Variants in CNTNAP5 observed in about 807,000 individuals in gnomAD.
CNTNAP5 encodes contactin-associated protein-like 5.
In CNTNAP5, 72 loss-of-function variants were observed where a neutral mutation model predicts 150.2. The observed-to-expected ratio is 0.48, with a 90% CI of 0.40 to 0.58. The LOEUF (loss-of-function observed/expected upper bound fraction) is 0.58, where lower values mean the gene tolerates loss of function less well. CNTNAP5 is among the 20% of genes least tolerant of loss of function. The probability of loss-of-function intolerance (pLI) is 0.00; values close to 1 mark genes in which losing one functional copy is unlikely to be tolerated. For missense variants in CNTNAP5, 1,636 were observed against 1,626.2 expected (o/e 1.01, Z -0.10); for synonymous variants, 672 against 619.8 (o/e 1.08, Z -1.25).
At chr2:124,083,463 A>G (rs1682606710) in intron 1 of CNTNAP5, among the ~76,000 whole-genome samples, 1 of 152,196 alleles carries the variant, frequency 6.6e-6, no homozygotes, top group African/African-American at 2.4e-5. Flanking sequence ...TTTATTTGGT[A>G]AAGTCAAATC....
intron 1 of CNTNAP5, among the ~76,000 whole-genome samples, chr2:124,115,882 ATTC>A (rs1414467229): frequency 6.6e-6 from 1 of 151,036 alleles, no homozygotes; most frequent in Non-Finnish European, 1.5e-5. Context: ...GCCTCAAGCT[ATTC>A]TTCTGCCTCA....
At chr2:124,164,933 A>G (rs79827548) in intron 1 of CNTNAP5, among the ~76,000 whole-genome samples, 12,588 of 152,142 alleles carry the variant, frequency 0.083, 713 homozygotes, top group Non-Finnish European at 0.13. Flanking sequence ...GTGCAGGGAA[A>G]TGGGGAACCT....
At chr2:124,154,553 C>T (rs2104639147) in intron 1 of CNTNAP5, among the ~76,000 whole-genome samples, 1 of 152,312 alleles carries the variant, frequency 6.6e-6, no homozygotes, top group Admixed American at 6.5e-5. Flanking sequence ...TTATCCTGCA[C>T]TCTGTCCTGC....
intron 14 of CNTNAP5, among the ~76,000 whole-genome samples, chr2:124,751,963 T>C (rs1453773465): frequency 6.6e-6 from 1 of 152,160 alleles, no homozygotes; most frequent in Non-Finnish European, 1.5e-5. Context: ...AGATGATAAA[T>C]GGTTCGGTTA....
At chr2:124,097,658 T>A (rs1163381175) in intron 1 of CNTNAP5, among the ~76,000 whole-genome samples, 3 of 152,128 alleles carry the variant, frequency 2.0e-5, no homozygotes, top group African/African-American at 7.2e-5. Flanking sequence ...AGACAGCCTC[T>A]GAAGCACATT....
chr2:124,266,723 C>T (rs989257760), intron 3 of CNTNAP5, among the ~76,000 whole-genome samples: 1 of 152,106 alleles, frequency 6.6e-6, no homozygotes, highest in Non-Finnish European at 1.5e-5. Context: ...TCATGTTTTA[C>T]TTCCCAGCAT....
At chr2:124,498,920 A>G (rs1558928405) in intron 7 of CNTNAP5, among the ~76,000 whole-genome samples, 1 of 152,180 alleles carries the variant, frequency 6.6e-6, no homozygotes, top group Non-Finnish European at 1.5e-5. Flanking sequence ...ACAAGTGGGA[A>G]TATTAGGGCC....
rs372724261 is a variant in CNTNAP5, at chr2:124,524,397, G to A, written c.1422G>A (p.Pro474=). 74 of 1,613,632 alleles carry A rather than the reference G, an allele frequency of 4.6e-5. No homozygotes were observed. The highest frequency in any genetic ancestry group is 5.8e-5 in the Non-Finnish European group (69 of 1,179,796). The part of the protein sequence containing the change: ...TLTLDDEAAP[P]APDSTWVQIY... Reference sequence around the variant, plus strand: ...CTCTGGATGATGAAGCAGCACCCCCGGCTCCAGACAGCACTTGGGTGCAGA... The same window carrying A: ...CTCTGGATGATGAAGCAGCACCCCCAGCTCCAGACAGCACTTGGGTGCAGA... Residue 474 remains proline (P), a synonymous_variant, in exon 9 of 24, where the codon CCG becomes CCA. Coordinates refer to ENST00000682447, the MANE Select transcript of CNTNAP5 (RefSeq NM_001367498.1).
At chr2:124,670,137 C>CTTCCTTCCTTCT (rs761745900) in intron 13 of CNTNAP5, among the ~76,000 whole-genome samples, 4 of 117,094 alleles carry the variant, frequency 3.4e-5, no homozygotes, top group Admixed American at 8.1e-5. Flanking sequence ...TCCTTCTTTC[C>CTTCCTTCCTTCT]TTCCTTCCTT....
At chr2:124,472,672 C>T (rs974264617) in intron 6 of CNTNAP5, among the ~76,000 whole-genome samples, 10 of 151,564 alleles carry the variant, frequency 6.6e-5, no homozygotes, top group African/African-American at 9.7e-5. Context: ...ATAATCAAGT[C>T]GCACAAAGTT....
At chr2:124,134,195 CAG>C (rs1307297677) in intron 1 of CNTNAP5, among the ~76,000 whole-genome samples, 1 of 152,170 alleles carries the variant, frequency 6.6e-6, no homozygotes, top group East Asian at 1.9e-4. Flanking sequence ...GTGAGCTTCT[CAG>C]GGGTTCGTTC....
chr2:124,532,716 T>C (rs554851039), intron 10 of CNTNAP5, among the ~76,000 whole-genome samples: 2 of 152,262 alleles, frequency 1.3e-5, no homozygotes, highest in African/African-American at 4.8e-5. Context: ...GTGACACACA[T>C]TATTTAAACT....
At chr2:124,054,936 A>T (rs2104646660) in intron 1 of CNTNAP5, among the ~76,000 whole-genome samples, 1 of 152,272 alleles carries the variant, frequency 6.6e-6, no homozygotes, top group African/African-American at 2.4e-5. Context: ...GGAAGTTCAT[A>T]TTGATGTACT....
chr2:124,604,264 T>C (rs192200682), intron 11 of CNTNAP5, among the ~76,000 whole-genome samples: 1 of 152,298 alleles, frequency 6.6e-6, no homozygotes, highest in African/African-American at 2.4e-5. Context: ...TTAGTTTCTG[T>C]TGATAAGACA....
intron 3 of CNTNAP5, among the ~76,000 whole-genome samples, chr2:124,387,163 AC>A (rs1431653811): frequency 3.9e-5 from 6 of 152,074 alleles, no homozygotes; most frequent in African/African-American, 1.4e-4. Flanking sequence ...AGAGGTAAGA[AC>A]CCCTGCCTCC....
intron 13 of CNTNAP5, among the ~76,000 whole-genome samples, chr2:124,704,526 A>G (rs1371680664): frequency 6.6e-6 from 1 of 152,240 alleles, no homozygotes; most frequent in Admixed American, 6.5e-5. Context: ...AAATATGTTT[A>G]TGCAGAATGT....
chr2:124,174,804 A>C (rs140831369), intron 1 of CNTNAP5, among the ~76,000 whole-genome samples: 1 of 152,346 alleles, frequency 6.6e-6, no homozygotes, highest in Non-Finnish European at 1.5e-5. Context: ...CTACAGAAAT[A>C]TCTTTCATGA....
Position 124,915,189 on chromosome 2 carries a change from T to C in CNTNAP5, c.*901T>C, listed in dbSNP as rs187720339. ...GTATATATGTATATATATATGTGAG[T>C]ATATATACACACACACACACACACA... On this transcript the variant is annotated 3_prime_UTR_variant, in exon 24 of 24. Coordinates refer to ENST00000682447, the MANE Select transcript of CNTNAP5 (RefSeq NM_001367498.1). 4.2e-4 allele frequency: 64 copies of C among 153,154 alleles called. No individual in the cohort carries two copies. The highest frequency in any genetic ancestry group is 1.6e-3 in the African/African-American group (63 of 39,954). The allele number at this position is 153,154 out of a possible 1,614,324, so 9.5% of individuals were successfully genotyped here. A position where few individuals can be genotyped will look rare whatever the true frequency, so the allele number is the denominator to read the frequency against.
chr2:124,575,434 G>A (rs948093489), intron 11 of CNTNAP5, among the ~76,000 whole-genome samples: 10 of 152,054 alleles, frequency 6.6e-5, no homozygotes, highest in African/African-American at 2.4e-4. Context: ...TATTTGGAAC[G>A]CTCTTGGGTC....
Sources: allele counts gnomAD v4.1 joint callset (sites outside exome capture counted in the v4.1 genomes callset), GRCh38; gene constraint gnomAD v4.1.1; transcripts MANE v1.5; gene names NCBI Gene and HGNC (gene_info 2026-07-23, HGNC 2026-07-21).